EPM2A: variants seen among roughly 807,000 people sequenced by gnomAD.
EPM2A encodes EPM2A glucan phosphatase, laforin.
A neutral mutation model predicts 26.5 loss-of-function variants in EPM2A; 21 were observed. The observed-to-expected ratio is 0.79, with a 90% CI of 0.56 to 1.14. EPM2A has a LOEUF of 1.14. EPM2A is among the 50% of genes most tolerant of loss of function. The pLI is 0.00. For missense variants in EPM2A, 458 were observed against 440.8 expected (o/e 1.04, Z -0.35); for synonymous variants, 217 against 177.6 (o/e 1.22, Z -1.76).
At chr6:145,620,325 C>A (rs561940976), downstream of EPM2A, among the ~76,000 whole-genome samples, 30 of 152,226 alleles carry the variant, frequency 2.0e-4, no homozygotes, top group South Asian at 6.0e-3. Flanking sequence ...AATCTGATGC[C>A]GCTGCTGATC....
At chr6:145,428,361 A>C (rs1467771074) in intron 4 of EPM2A, among the ~76,000 whole-genome samples, 2 of 151,678 alleles carry the variant, frequency 1.3e-5, no homozygotes, top group Non-Finnish European at 2.9e-5. Flanking sequence ...TTTAACTTTT[A>C]TTTGCTTCTG....
At chr6:145,439,372 T>C (rs1352803286) in intron 4 of EPM2A, among the ~76,000 whole-genome samples, 2 of 152,194 alleles carry the variant, frequency 1.3e-5, no homozygotes, top group African/African-American at 4.8e-5. Context: ...TTTTAGTTCT[T>C]TGAGGAATCA....
chr6:145,585,265 TG>T (rs879355379), intron 2 of EPM2A, among the ~76,000 whole-genome samples: 3 of 152,168 alleles, frequency 2.0e-5, no homozygotes, highest in Non-Finnish European at 4.4e-5. Flanking sequence ...TTCTTGGATC[TG>T]TAGACTTATA....
rs1485448690 is a variant in EPM2A, at chr6:145,627,686, T to C, written c.726A>G (p.Val242=). Residue 242 remains valine, a synonymous_variant, in exon 4 of 4, where the codon GTA becomes GTG. Transcript: ENST00000367519. ...PTPDMSTEGR[V]QMLPQAVCLL... is the part of the protein sequence containing the mutation. ...GGCACACCGCCTGGGGCAGCATCTGTACTCGGCCTGCGGTGGGGAAAGCAC... is the reference window on the plus strand; with the variant it reads ...GGCACACCGCCTGGGGCAGCATCTGCACTCGGCCTGCGGTGGGGAAAGCAC... 3 of 1,613,952 alleles carry C rather than the reference T, an allele frequency of 1.9e-6. No homozygotes were observed. In the Admixed American group the frequency reaches 5.0e-5, roughly 27 times the overall value.
In EPM2A at chr6:145,413,842, G is replaced by A. The variant is rs769260697; in HGVS notation, c.556-29745C>T. On this transcript the variant is annotated intron_variant, in intron 4 of 4. Coordinates refer to the EPM2A transcript ENST00000638717. ...AAGCATTTACACACTTTTTTCCTCC[G>A]TGGCTTGGAAGCCTACAGTGGATAA... Among the ~76,000 whole-genome samples, 48 of 152,106 alleles carry A rather than the reference G, an allele frequency of 3.2e-4. 1 individual carries two copies. The highest frequency in any genetic ancestry group is 3.1e-3 in the Admixed American group (48 of 15,268).
intron 2 of EPM2A, among the ~76,000 whole-genome samples, chr6:145,567,016 G>A (rs921398352): frequency 3.9e-5 from 6 of 152,118 alleles, no homozygotes; most frequent in Admixed American, 6.5e-5. Context: ...CCATAAACCC[G>A]TCATTTATGA....
chr6:145,619,200 C>A (rs1200119086), intron 2 of EPM2A, among the ~76,000 whole-genome samples: 3 of 151,846 alleles, frequency 2.0e-5, no homozygotes, highest in Non-Finnish European at 4.4e-5. Flanking sequence ...GGGAGATATT[C>A]TGAAAGATGT....
intron 2 of EPM2A, among the ~76,000 whole-genome samples, chr6:145,541,332 A>G (rs1197708689): frequency 7.5e-6 from 1 of 133,314 alleles, no homozygotes; most frequent in African/African-American, 2.7e-5. Context: ...ATATGTGTAT[A>G]TATATGTGTG....
chr6:145,621,474 T>A (rs114708984), downstream of EPM2A, among the ~76,000 whole-genome samples: 822 of 152,338 alleles, frequency 5.4e-3, 7 homozygotes, highest in African/African-American at 0.019. Context: ...ACTGCTGAAT[T>A]AAATGGAAGT....
chr6:145,519,635 A>G (rs1163063634), intron 2 of EPM2A, among the ~76,000 whole-genome samples: 1 of 152,182 alleles, frequency 6.6e-6, no homozygotes, highest in Non-Finnish European at 1.5e-5. Context: ...GGAGCGCACC[A>G]CAGAGGGGAG....
At chr6:145,397,822 A>G (rs1189729866) in intron 4 of EPM2A, among the ~76,000 whole-genome samples, 1 of 152,220 alleles carries the variant, frequency 6.6e-6, no homozygotes, top group Non-Finnish European at 1.5e-5. Flanking sequence ...CTGCTGAGTC[A>G]TGGACATTAA....
At chr6:145,557,702 G>A (rs886543922) in intron 2 of EPM2A, among the ~76,000 whole-genome samples, 1 of 152,048 alleles carries the variant, frequency 6.6e-6, no homozygotes, top group Non-Finnish European at 1.5e-5. Context: ...AAGAAAATTA[G>A]CATATGTATA....
intron 2 of EPM2A, among the ~76,000 whole-genome samples, chr6:145,614,079 A>G (rs1454159214): frequency 6.6e-6 from 1 of 152,206 alleles, no homozygotes; most frequent in African/African-American, 2.4e-5. Flanking sequence ...TGCCTTCACC[A>G]ATGATCTTAG....
chr6:145,686,966 A>G (rs1780964182), intron 1 of EPM2A: 1 of 153,108 alleles, frequency 6.5e-6, no homozygotes, highest in Non-Finnish European at 1.5e-5. Context: ...CTGATGTCAC[A>G]TGCACAAAGA....
chr6:145,643,960 G>A (rs578085088), intron 2 of EPM2A, among the ~76,000 whole-genome samples: 1 of 152,270 alleles, frequency 6.6e-6, no homozygotes, highest in African/African-American at 2.4e-5. Flanking sequence ...AGATAGTGAC[G>A]TAGGACATGT....
chr6:145,432,788 G>T (rs1778939093), intron 4 of EPM2A, among the ~76,000 whole-genome samples: 1 of 152,084 alleles, frequency 6.6e-6, no homozygotes, highest in African/African-American at 2.4e-5. Context: ...CATCTACATT[G>T]AAAATATGTT....
At chr6:145,684,219 T>TA (rs1042896755) in intron 2 of EPM2A, among the ~76,000 whole-genome samples, 1 of 151,758 alleles carries the variant, frequency 6.6e-6, no homozygotes, top group African/African-American at 2.4e-5. Context: ...TGTAAAGCAA[T>TA]AAAAAAGATG....
Position 145,728,094 on chromosome 6 carries a change from G to C in EPM2A, c.301+7104C>G, listed in dbSNP as rs1255695579. ...TTCTGCCATGTTTGTAAGTTTCCTG[G>C]ACCTCCCAAGCCATGCTTCCTGTAC... On this transcript the variant is annotated intron_variant, in intron 1 of 3. Coordinates refer to ENST00000367519, the MANE Select transcript of EPM2A (RefSeq NM_005670.4). 2.0e-5 allele frequency among the ~76,000 whole-genome samples: 3 copies of C among 152,106 alleles called. No homozygotes were observed. The East Asian group carries it at 5.8e-4, about 29-fold the overall frequency.
At chr6:145,734,977 C>G (rs1163049994) in intron 1 of EPM2A, 2 of 342,816 alleles carry the variant, frequency 5.8e-6, no homozygotes, top group Admixed American at 1.0e-4. Context: ...CTATACGGGT[C>G]TAGGGAATCA....
Sources: gnomAD v4.1 joint callset for allele counts (sites outside exome capture counted in the v4.1 genomes callset) on GRCh38, gnomAD v4.1.1 for gene constraint, MANE v1.5 for transcripts, NCBI Gene and HGNC (gene_info 2026-07-23, HGNC 2026-07-21) for gene names.